The following USP24 variants were observed in gnomAD, a reference collection of about 807,000 sequenced individuals.
USP24 encodes the protein ubiquitin carboxyl-terminal hydrolase 24.
USP24 carries 97 observed loss-of-function variants against 361.6 expected under a neutral mutation model. The observed-to-expected ratio is 0.27, with a 90% CI of 0.23 to 0.32. USP24 has a LOEUF of 0.32. Among genes scored for constraint, USP24 ranks in the 10% least tolerant of loss-of-function variants. USP24 has a pLI of 1.00. For synonymous variants in USP24, 1,098 were observed against 1,124.6 expected, an observed-to-expected ratio of 0.98 and a Z score of 0.47; for missense variants, 2,353 against 3,165.6, an observed-to-expected ratio of 0.74 and a Z score of 6.16.
intron 1 of USP24, among the ~76,000 whole-genome samples, chr1:55,210,381 C>T (rs937448323): frequency 2.6e-5 from 4 of 151,000 alleles, no homozygotes; most frequent in African/African-American, 9.9e-5. Context: ...CTTTAAAGGG[C>T]CTTTTTTTAT....
At chr1:55,166,436 T>C (rs1264116941) in intron 6 of USP24, 132 bp downstream of exon 6, 14 of 865,614 alleles carry the variant, frequency 1.6e-5, no homozygotes, top group South Asian at 4.9e-5. Context: ...GAAGAAAATA[T>C]GAAATCCACT....
At chr1:55,124,899 C>A (rs1385644666) in intron 34 of USP24, among the ~76,000 whole-genome samples, 1 of 152,142 alleles carries the variant, frequency 6.6e-6, no homozygotes, top group Non-Finnish European at 1.5e-5. Context: ...ACCTCATGAC[C>A]TCCCATAAGC....
intron 10 of USP24, among the ~76,000 whole-genome samples, chr1:55,158,512 T>G (rs1260950964): frequency 2.6e-5 from 4 of 152,204 alleles, no homozygotes; most frequent in Admixed American, 2.6e-4. Flanking sequence ...CTGCAGTCAT[T>G]TAGTTTTTGT....
Position 55,079,627 on chromosome 1 carries a change from T to G in USP24, c.7111A>C (p.Ser2371Arg), listed in dbSNP as rs755765157. The change falls in exon 60 of 68, where the codon AGC (serine) becomes CGC (arginine). Residue 2371 changes from serine (S) to arginine (R), a missense_variant. Transcript: ENST00000294383. ...PGIFKQRPPI[S>R]IAPSSPLLPL... Reference sequence around the variant, plus strand: ...AACAGAGGGCTTGAGGGAGCAATGCTAATGGGTGGTCGTTGCTTAAATATG... The same window carrying G: ...AACAGAGGGCTTGAGGGAGCAATGCGAATGGGTGGTCGTTGCTTAAATATG... The G allele has an allele frequency of 6.5e-7, 1 of 1,543,650 alleles. No homozygotes were observed. Among genetic ancestry groups the G allele is most frequent in the Non-Finnish European group, 8.6e-7 (1 of 1,156,522 alleles).
chr1:55,092,861 T>C lies in USP24; in HGVS notation c.6410A>G (p.Asp2137Gly). Residue 2137 changes from aspartate to glycine, a missense_variant, in exon 53 of 68, where the codon GAT becomes GGT. Asp to Gly is a moderately conservative substitution (Grantham distance 94). Transcript: ENST00000294383. ...TAAAGACAAAACAAAACTGAAATAA[T>C]CACTACTGTATACATCTCTATTCTT... ...FMKNRDVYSS[D>G]YFSFVLSLAS... 1 of 1,601,448 alleles carries C rather than the reference T, an allele frequency of 6.2e-7. No individual in the cohort carries two copies. Among genetic ancestry groups the C allele is most frequent in the Non-Finnish European group, 8.5e-7 (1 of 1,175,246 alleles).
chr1:55,137,509 C>T lies in USP24; in HGVS notation c.3201+6G>A. On this transcript the variant is annotated splice_donor_region_variant and intron_variant, in intron 28 of 67. Coordinates refer to ENST00000294383, the MANE Select transcript of USP24 (RefSeq NM_015306.3). Reference sequence around the variant, plus strand: ...TGTTTTTAAATGGAAATTGATCACCCAGTACCTGCTCCATGGCATATGAAG... The same window carrying T: ...TGTTTTTAAATGGAAATTGATCACCTAGTACCTGCTCCATGGCATATGAAG... 1 of 1,611,916 alleles carries T rather than the reference C, an allele frequency of 6.2e-7. No homozygotes were observed. Among genetic ancestry groups the T allele is most frequent in the Non-Finnish European group, 8.5e-7 (1 of 1,179,096 alleles).
Position 55,174,870 on chromosome 1 carries a change from T to C in USP24, c.558+1506A>G, listed in dbSNP as rs144938804. Among the ~76,000 whole-genome samples, 647 of 152,328 alleles carry C rather than the reference T, an allele frequency of 4.2e-3. 2 individuals carry two copies. Among genetic ancestry groups the C allele is most frequent in the African/African-American group, 0.014 (599 of 41,584 alleles). The stretch of plus-strand genomic sequence containing the variant: ...GTCTGAAACTCCTGGCCTCAAGATG[T>C]CCTCCCGCTTTTGGCCTCACAAAGT... On this transcript the variant is annotated intron_variant, in intron 3 of 67. Transcript: ENST00000294383.
chr1:55,127,081 T>C (rs931316374), intron 32 of USP24, among the ~76,000 whole-genome samples: 6 of 152,154 alleles, frequency 3.9e-5, no homozygotes, highest in African/African-American at 1.2e-4. Flanking sequence ...TTCTAAATTA[T>C]TATACTTTAA....
chr1:55,200,523 T>A (rs753507955), intron 1 of USP24, among the ~76,000 whole-genome samples: 1 of 152,068 alleles, frequency 6.6e-6, no homozygotes, highest in African/African-American at 2.4e-5. Flanking sequence ...CTACTCCCAC[T>A]CCACATACTT....
chr1:55,132,635 C>T lies in USP24; in HGVS notation c.3447G>A (p.Gln1149=), dbSNP rs1281046958. Reference sequence around the variant, plus strand: ...AAATTGAACTGGCACTTGGCTGGTGCTGTTGCTTTGATGACAGGGATGGAG... The same window carrying T: ...AAATTGAACTGGCACTTGGCTGGTGTTGTTGCTTTGATGACAGGGATGGAG... ...SKSPSLSSKQ[Q]HQPSASSILE... The change falls in exon 31 of 68, where the codon CAG becomes CAA. Residue 1149 remains glutamine, a synonymous_variant. Coordinates refer to ENST00000294383, the MANE Select transcript of USP24 (RefSeq NM_015306.3). The T allele has an allele frequency of 6.2e-7, 1 of 1,613,624 alleles. No individual in the cohort carries two copies. The highest frequency in any genetic ancestry group is 1.3e-5 in the African/African-American group (1 of 74,918).
intron 1 of USP24, among the ~76,000 whole-genome samples, chr1:55,197,837 A>G (rs1291008591): frequency 6.6e-6 from 1 of 152,180 alleles, no homozygotes; most frequent in Non-Finnish European, 1.5e-5. Context: ...ATCTCCACAT[A>G]ACTTTGACTA....
intron 32 of USP24, among the ~76,000 whole-genome samples, chr1:55,128,924 C>T (rs563253553): frequency 1.3e-5 from 2 of 151,874 alleles, no homozygotes; most frequent in East Asian, 1.9e-4. Flanking sequence ...CTCACTATGT[C>T]GCCCCGTACG....
At chr1:55,199,622 T>TGAGAGA (rs1409664880) in intron 1 of USP24, among the ~76,000 whole-genome samples, 2,393 of 111,452 alleles carry the variant, frequency 0.021, 44 homozygotes, top group African/African-American at 0.048. Flanking sequence ...TGTGTGTGTG[T>TGAGAGA]GAGAGAGAGA....
chr1:55,153,954 GT>G (rs1265759607), intron 15 of USP24, 37 bp from the exon 16 acceptor site: 1 of 1,547,130 alleles, frequency 6.5e-7, no homozygotes. Flanking sequence ...AAGTGACTTG[GT>G]AAAAGCAATA....
intron 59 of USP24, 88 bp downstream of exon 59, chr1:55,081,230 GAAAC>G: frequency 7.7e-7 from 1 of 1,298,786 alleles, no homozygotes; most frequent in Non-Finnish European, 1.1e-6. Context: ...AGTCGAATGA[GAAAC>G]AAGAGACATT....
intron 67 of USP24, 54 bp from the exon 68 acceptor site, chr1:55,069,161 A>G: frequency 1.3e-6 from 2 of 1,582,248 alleles, no homozygotes; most frequent in Non-Finnish European, 1.7e-6. Context: ...AAGGTTTTCT[A>G]TGCTGACTTG....
intron 52 of USP24, chr1:55,093,556 T>G (rs1044920184): frequency 2.3e-5 from 4 of 171,204 alleles, no homozygotes; most frequent in South Asian, 3.3e-4. Context: ...GGCCAATGAT[T>G]GTTTTATTAG....
At chr1:55,185,600 A>AG in intron 1 of USP24, among the ~76,000 whole-genome samples, 2 of 152,148 alleles carry the variant, frequency 1.3e-5, no homozygotes, top group Non-Finnish European at 2.9e-5. Context: ...TTGCTCTGTC[A>AG]TCCAGGCTGG....
chr1:55,072,522 G>C, intron 65 of USP24, 119 bp from the exon 66 acceptor site: 1 of 845,546 alleles, frequency 1.2e-6, no homozygotes. Flanking sequence ...AGTCTACCCA[G>C]ACCTTCCATC....
Sources: gnomAD v4.1 joint callset for allele counts (sites outside exome capture counted in the v4.1 genomes callset) on GRCh38, gnomAD v4.1.1 for gene constraint, MANE v1.5 for transcripts, NCBI Gene and HGNC (gene_info 2026-07-23, HGNC 2026-07-21) for gene names.